Variants in TVP23A observed in about 807,000 individuals in gnomAD.
TVP23A encodes the protein Golgi apparatus membrane protein TVP23 homolog A.
TVP23A carries 21 observed loss-of-function variants against 31.7 expected under a neutral mutation model. The ratio of observed to expected loss-of-function variants is 0.66; its 90% CI spans 0.47 to 0.95. TVP23A has a LOEUF of 0.95. Among genes scored for constraint, TVP23A ranks in the 40% least tolerant of loss-of-function variants. The pLI, the probability that TVP23A is intolerant of heterozygous loss-of-function variation, is 0.00. For synonymous variants in TVP23A, 104 were observed against 96.0 expected (o/e 1.08, Z -0.49); for missense variants, 279 against 255.6 (o/e 1.09, Z -0.62).
chr16:10,782,451 A>C (rs1336318720), intron 2 of TVP23A, among the ~76,000 whole-genome samples: 1 of 152,096 alleles, frequency 6.6e-6, no homozygotes, highest in Non-Finnish European at 1.5e-5. Context: ...AGCCCCAGGT[A>C]GTTGCTGCTC....
At chr16:10,759,133 G>A (rs570530811), downstream of TVP23A, among the ~76,000 whole-genome samples, 138 of 152,302 alleles carry the variant, frequency 9.1e-4, no homozygotes, top group African/African-American at 2.9e-3. The surrounding 1 kb of genome is among the most constrained non-coding windows in gnomAD (Gnocchi z 4.7). Flanking sequence ...ACCTCATCCA[G>A]CACTCACTGA....
In TVP23A at chr16:10,784,508, C is replaced by A. The variant is rs138158083; in HGVS notation, c.90-9412G>T. Among the ~76,000 whole-genome samples the A allele has an allele frequency of 3.4e-3, 519 of 151,610 alleles. 8 individuals carry two copies. The highest frequency in any genetic ancestry group is 0.012 in the African/African-American group (491 of 41,214). On this transcript the variant is annotated intron_variant, in intron 2 of 7. Coordinates refer to ENST00000299866, the MANE Select transcript of TVP23A (RefSeq NM_001079512.4). ...CCTGGAAGGCAGAGGTTGCAGTGAT[C>A]CGAGATCACACCAATGCATTCCAGC...
intron 2 of TVP23A, among the ~76,000 whole-genome samples, chr16:10,785,013 C>G (rs1433299672): frequency 4.0e-5 from 6 of 151,654 alleles, no homozygotes. Flanking sequence ...AGGAGAATCC[C>G]TTGAATCCGG....
chr16:10,758,108 T>C, downstream of TVP23A: 1 of 1,502,934 alleles, frequency 6.7e-7, no homozygotes, highest in Non-Finnish European at 9.1e-7. Context: ...TCTGATACTC[T>C]GGTCTCACCA....
intron 2 of TVP23A, among the ~76,000 whole-genome samples, chr16:10,786,069 G>A (rs889213984): frequency 2.6e-5 from 4 of 152,310 alleles, no homozygotes; most frequent in African/African-American, 9.6e-5. Context: ...AGTTTCTGAT[G>A]AGTGTCTCCA....
chr16:10,818,449 G>A lies in TVP23A; in HGVS notation c.9+36C>T, dbSNP rs769032349. ...CGCTCCCGCAGGCTCCCCTCGTCCC[G>A]CCCCGCCTCCAGCCCCAGCATCCCC... On this transcript the variant is annotated intron_variant, in intron 1 of 7. Coordinates refer to ENST00000299866, the MANE Select transcript of TVP23A (RefSeq NM_001079512.4). The surrounding 1 kb of genome is among the most constrained non-coding windows in gnomAD (Gnocchi z 4.7). 5 of 1,597,772 alleles carry A rather than the reference G, an allele frequency of 3.1e-6. No homozygotes were observed. In the African/African-American group the frequency reaches 6.7e-5, roughly 21 times the overall value.
At position 10,779,074 on chromosome 16, in the gene TVP23A, CT is replaced by C. The variant is rs745614341; in HGVS notation, c.90-3979del. Among the ~76,000 whole-genome samples the C allele has an allele frequency of 1.9e-4, 29 of 152,266 alleles. No homozygotes were observed. The East Asian group carries it at 2.5e-3, about 13-fold the overall frequency. On this transcript the variant is annotated intron_variant, in intron 2 of 7. Coordinates refer to ENST00000299866, the MANE Select transcript of TVP23A (RefSeq NM_001079512.4). This position sits in a 1 kb window ranked among gnomAD's most constrained non-coding sequence, Gnocchi z 4.9. ...AAATCCCTTGCCCACCCGCTTCTTT[CT>C]TTTTTCTTTTTGGCTGTGGCTCTCC... is the stretch of plus-strand genomic sequence containing the variant.
At chr16:10,817,791 C>T (rs1395771912) in intron 2 of TVP23A, among the ~76,000 whole-genome samples, 2 of 152,194 alleles carry the variant, frequency 1.3e-5, no homozygotes, top group East Asian at 3.9e-4. Flanking sequence ...TCAGAGAGGC[C>T]CTCCATGGCT....
intron 2 of TVP23A, among the ~76,000 whole-genome samples, chr16:10,812,809 C>T (rs183862269): frequency 9.2e-5 from 14 of 151,700 alleles, no homozygotes; most frequent in East Asian, 5.8e-4. Context: ...TGTTTCACAA[C>T]GTGACTATAC....
intron 2 of TVP23A, among the ~76,000 whole-genome samples, chr16:10,787,424 C>T (rs2032829792): frequency 6.6e-6 from 1 of 152,158 alleles, no homozygotes; most frequent in Non-Finnish European, 1.5e-5. Context: ...TAGGTATGTT[C>T]AAAATGGCGG....
In TVP23A at chr16:10,783,950, AGGTG is replaced by A. The variant is rs145649820; in HGVS notation, c.90-8858_90-8855del. ...TTCCAGAGGGTGGGGAGGGATGCAT[AGGTG>A]GAGCAGAGGGGACTTTTAGAGCTGG... On this transcript the variant is annotated intron_variant, in intron 2 of 7. Transcript: ENST00000299866. 1.6e-3 allele frequency among the ~76,000 whole-genome samples: 242 copies of A among 152,252 alleles called. 1 individual carries two copies. The highest frequency in any genetic ancestry group is 5.6e-3 in the African/African-American group (234 of 41,556).
intron 7 of TVP23A, 106 bp from the exon 8 acceptor site, chr16:10,769,207 A>G (rs2031341116): frequency 2.0e-6 from 2 of 1,003,524 alleles, no homozygotes; most frequent in South Asian, 2.7e-5. Context: ...GGGTCACAGC[A>G]AAAGGACCAG....
intron 2 of TVP23A, among the ~76,000 whole-genome samples, chr16:10,797,933 A>G (rs1186838123): frequency 1.3e-5 from 2 of 149,718 alleles, no homozygotes; most frequent in African/African-American, 4.9e-5. Context: ...GGAATTCTCT[A>G]TAGTAAATAT....
downstream of TVP23A, chr16:10,757,920 T>C (rs1567258897): frequency 6.2e-7 from 1 of 1,614,006 alleles, no homozygotes. This position sits in a 1 kb window ranked among gnomAD's most constrained non-coding sequence, Gnocchi z 4.1. Context: ...AGAGGTCGAC[T>C]ACCTCATTGT....
chr16:10,788,464 C>T lies in TVP23A; in HGVS notation c.90-13368G>A, dbSNP rs554935330. Among the ~76,000 whole-genome samples the T allele has an allele frequency of 6.6e-5, 10 of 152,116 alleles. 1 individual carries two copies. In the South Asian group the frequency reaches 2.1e-3, roughly 32 times the overall value. ...TAATTGTTTGTATTTTTAGTAGAGA[C>T]AGGGTTTCATCATGTTGGTCAGGCT... On this transcript the variant is annotated intron_variant, in intron 2 of 7. Coordinates refer to ENST00000299866, the MANE Select transcript of TVP23A (RefSeq NM_001079512.4).
chr16:10,779,387 G>C lies in TVP23A; in HGVS notation c.90-4291C>G, dbSNP rs1370815354. Among the ~76,000 whole-genome samples the C allele has an allele frequency of 4.6e-5, 7 of 152,138 alleles. No homozygotes were observed. The stretch of plus-strand genomic sequence containing the variant: ...GTTTTCCAGAGTTTTGAGAGTCATG[G>C]CTTAAGTCCTGTCCACTCGTCTCTG... On this transcript the variant is annotated intron_variant, in intron 2 of 7. Coordinates refer to ENST00000299866, the MANE Select transcript of TVP23A (RefSeq NM_001079512.4). This position sits in a 1 kb window ranked among gnomAD's most constrained non-coding sequence, Gnocchi z 4.9.
chr16:10,813,395 G>A (rs1352278312), intron 2 of TVP23A, among the ~76,000 whole-genome samples: 1 of 152,064 alleles, frequency 6.6e-6, no homozygotes, highest in East Asian at 1.9e-4. Flanking sequence ...TTTCAACAAG[G>A]GATTTACAAA....
chr16:10,772,102 GA>G (rs1214861977), intron 5 of TVP23A, among the ~76,000 whole-genome samples: 2 of 152,222 alleles, frequency 1.3e-5, no homozygotes, highest in East Asian at 3.8e-4. Flanking sequence ...AAGCCACGTA[GA>G]AATGCTCTAG....
chr16:10,798,654 GTTTTGT>G (rs58138056), intron 2 of TVP23A, among the ~76,000 whole-genome samples: 18,007 of 151,792 alleles, frequency 0.12, 2,064 homozygotes, highest in African/African-American at 0.3. Flanking sequence ...GGCAGCTTAT[GTTTTGT>G]TTTTGTTTTT....
Sources: gnomAD v4.1 joint callset for allele counts (sites outside exome capture counted in the v4.1 genomes callset) on GRCh38, gnomAD v4.1.1 for gene constraint, Gnocchi (gnomAD v3.1) non-coding constraint, MANE v1.5 for transcripts, NCBI Gene and HGNC (gene_info 2026-07-23, HGNC 2026-07-21) for gene names.